Variants in FAM178B observed in about 807,000 individuals in gnomAD.
FAM178B encodes the protein family with sequence similarity 178 member B.
In FAM178B, 82 loss-of-function variants were observed where a neutral mutation model predicts 91.7. That is an observed-to-expected ratio of 0.89 (90% CI 0.75 to 1.07). The LOEUF is 1.07. Ranked by LOEUF, FAM178B falls within the 50% of genes least tolerant of loss-of-function variation. The pLI is 0.00. For synonymous variants in FAM178B, 368 were observed against 359.4 expected (o/e 1.02, Z -0.27); for missense variants, 769 against 846.7 (o/e 0.91, Z 1.14).
intron 8 of FAM178B, among the ~76,000 whole-genome samples, chr2:96,937,132 C>T (rs886244495): frequency 1.3e-5 from 2 of 152,038 alleles, no homozygotes; most frequent in Admixed American, 6.5e-5. Context: ...TGAGCTCAAG[C>T]AATCCTCCTG....
chr2:96,928,030 G>A (rs889329867), intron 9 of FAM178B, among the ~76,000 whole-genome samples: 19 of 152,252 alleles, frequency 1.2e-4, no homozygotes, highest in Admixed American at 2.6e-4. Context: ...CGGCAGGCTG[G>A]CACATGTGTG....
At chr2:96,890,039 G>GC (rs2080632915) in intron 14 of FAM178B, among the ~76,000 whole-genome samples, 1 of 151,926 alleles carries the variant, frequency 6.6e-6, no homozygotes, top group Non-Finnish European at 1.5e-5. Flanking sequence ...ACTTTGGGAG[G>GC]CCGAGGTGGG....
At chr2:96,923,095 A>G (rs1252361429) in intron 10 of FAM178B, among the ~76,000 whole-genome samples, 1 of 151,926 alleles carries the variant, frequency 6.6e-6, no homozygotes, top group African/African-American at 2.4e-5. Flanking sequence ...CAGCCTCCTG[A>G]GCAGATGGGA....
chr2:96,944,000 T>C (rs1049962237), intron 8 of FAM178B, among the ~76,000 whole-genome samples: 3 of 152,130 alleles, frequency 2.0e-5, no homozygotes, highest in Non-Finnish European at 2.9e-5. Flanking sequence ...CCCAGCACTT[T>C]AGGAGGCTGA....
intron 8 of FAM178B, among the ~76,000 whole-genome samples, chr2:96,932,055 T>C (rs576920056): frequency 6.6e-6 from 1 of 152,256 alleles, no homozygotes; most frequent in African/African-American, 2.4e-5. Flanking sequence ...GCAGATGAAC[T>C]TTCCAGGGAG....
At chr2:96,954,059 A>G (rs1255200833) in intron 6 of FAM178B, among the ~76,000 whole-genome samples, 2 of 152,180 alleles carry the variant, frequency 1.3e-5, no homozygotes, top group Admixed American at 1.3e-4. Context: ...GCTGGGTCCA[A>G]GGGGGTGCCT....
At chr2:96,937,484 C>T (rs924937042) in intron 8 of FAM178B, among the ~76,000 whole-genome samples, 2 of 152,244 alleles carry the variant, frequency 1.3e-5, no homozygotes, top group East Asian at 1.9e-4. Flanking sequence ...GCTCCCCTCT[C>T]GCCGCACCTG....
intron 6 of FAM178B, chr2:96,952,027 A>C (rs2081936166): frequency 6.5e-6 from 1 of 154,126 alleles, no homozygotes; most frequent in Admixed American, 6.4e-5. Context: ...TCTCAAACAA[A>C]CAAAAAAACA....
At position 96,876,198 on chromosome 2, in the gene FAM178B, C is replaced by T. The variant is rs746681130; in HGVS notation, c.*78G>A. ...CATGTGGCCTCCTCTGGCCTTGATG[C>T]TTCGCTTCCTCCAGTTCCCTGAGCC... On this transcript the variant is annotated 3_prime_UTR_variant, in exon 17 of 17. Coordinates refer to ENST00000490605, the MANE Select transcript of FAM178B (RefSeq NM_001122646.3). 6.7e-6 allele frequency: 10 copies of T among 1,486,172 alleles called. No homozygotes were observed. The highest frequency in any genetic ancestry group is 9.2e-6 in the Non-Finnish European group (10 of 1,083,252). The allele number at this position is 1,486,172 out of a possible 1,614,324, so 92.1% of individuals were successfully genotyped here.
chr2:96,915,545 C>T (rs759671098), intron 12 of FAM178B, among the ~76,000 whole-genome samples: 47 of 151,716 alleles, frequency 3.1e-4, no homozygotes, highest in Non-Finnish European at 5.2e-4. Flanking sequence ...AGGATGGGCA[C>T]GGTGGCTCAC....
chr2:96,980,528 G>A (rs1214536233), intron 1 of FAM178B, among the ~76,000 whole-genome samples: 1 of 152,106 alleles, frequency 6.6e-6, no homozygotes, highest in Non-Finnish European at 1.5e-5. Context: ...TTAGCCTCTT[G>A]TGTAGCTACA....
At chr2:96,978,918 C>A (rs1413044660) in intron 1 of FAM178B, among the ~76,000 whole-genome samples, 1 of 150,968 alleles carries the variant, frequency 6.6e-6, no homozygotes, top group African/African-American at 2.4e-5. Context: ...AGCCACTGCA[C>A]CCGGCCGATT....
chr2:96,915,657 A>T (rs1198569806), intron 12 of FAM178B, among the ~76,000 whole-genome samples: 1 of 151,926 alleles, frequency 6.6e-6, no homozygotes, highest in African/African-American at 2.4e-5. Context: ...CTCTACTAAA[A>T]ATACAAAAAT....
intron 1 of FAM178B, among the ~76,000 whole-genome samples, chr2:96,984,683 C>T (rs994538446): frequency 2.0e-5 from 3 of 152,212 alleles, no homozygotes; most frequent in Non-Finnish European, 2.9e-5. Context: ...ATGCAGCTAC[C>T]AGCTGTTTCT....
At chr2:96,876,820 C>T (rs919418656) in intron 16 of FAM178B, among the ~76,000 whole-genome samples, 1 of 151,982 alleles carries the variant, frequency 6.6e-6, no homozygotes, top group Admixed American at 6.5e-5. Flanking sequence ...GGACTGGGGG[C>T]TCAGGAAGGG....
rs538971810 is a variant in FAM178B at position 96,878,507 on chromosome 2, A to G, written c.1777-14T>C. 1 of 1,613,080 alleles carries G rather than the reference A, an allele frequency of 6.2e-7. No individual in the cohort carries two copies. The highest frequency in any genetic ancestry group is 1.1e-5 in the South Asian group (1 of 90,994). ...CAGGTAGCAGGCCTGGAGGGAGAGC[A>G]CAGGGAGAGCTGCTTCTCTAACTCC... is the stretch of plus-strand genomic sequence containing the variant. On this transcript the variant is annotated splice_polypyrimidine_tract_variant and intron_variant, in intron 14 of 16. Transcript: ENST00000490605.
At chr2:96,977,556 C>A (rs2082307670) in intron 1 of FAM178B, among the ~76,000 whole-genome samples, 1 of 147,504 alleles carries the variant, frequency 6.8e-6, no homozygotes, top group South Asian at 2.1e-4. Context: ...TTGCCAAAGA[C>A]AAGAAAACTC....
chr2:96,936,504 T>C (rs2081633724), intron 8 of FAM178B, among the ~76,000 whole-genome samples: 1 of 144,120 alleles, frequency 6.9e-6, no homozygotes, highest in Non-Finnish European at 1.5e-5. Flanking sequence ...CCGGGTTTTT[T>C]TTTTTTGGTT....
At chr2:96,942,222 G>A (rs1000762262) in intron 8 of FAM178B, among the ~76,000 whole-genome samples, 13 of 152,168 alleles carry the variant, frequency 8.5e-5, no homozygotes, top group Non-Finnish European at 4.4e-5. Flanking sequence ...CTAAATAAAT[G>A]GAAAGACATC....
Sources: allele counts gnomAD v4.1 joint callset (sites outside exome capture counted in the v4.1 genomes callset), GRCh38; gene constraint gnomAD v4.1.1; transcripts MANE v1.5; gene names NCBI Gene and HGNC (gene_info 2026-07-23, HGNC 2026-07-21).